Variants in MED13L observed in about 807,000 individuals in gnomAD.
MED13L encodes the protein mediator of RNA polymerase II transcription subunit 13-like.
MED13L carries 7 observed loss-of-function variants against 220.9 expected under a neutral mutation model. The observed-to-expected ratio is 0.03, with a 90% confidence interval of 0.02 to 0.06. The LOEUF is 0.06. Ranked by LOEUF, MED13L falls within the 10% of genes least tolerant of loss-of-function variation. The probability of loss-of-function intolerance (pLI) is 1.00; values close to 1 mark genes in which losing one functional copy is unlikely to be tolerated. For missense variants in MED13L, 1,965 were observed against 2,760.5 expected, an observed-to-expected ratio of 0.71 and a Z score of 6.46; for synonymous variants, 1,011 against 1,015.2, an observed-to-expected ratio of 1.00 and a Z score of 0.08.
At chr12:116,040,417 C>T (rs77274011) in intron 4 of MED13L, among the ~76,000 whole-genome samples, 2,488 of 152,238 alleles carry the variant, frequency 0.016, 40 homozygotes, top group Middle Eastern at 0.031. Context: ...AATATCACAA[C>T]CTGAATAGTA....
intron 2 of MED13L, among the ~76,000 whole-genome samples, chr12:116,195,700 C>T (rs549325264): frequency 6.2e-4 from 94 of 152,158 alleles, no homozygotes; most frequent in African/African-American, 2.2e-3. Context: ...ATCCACCCAC[C>T]TCAGCCTCCC....
At chr12:116,119,580 C>T (rs1238943450) in intron 2 of MED13L, among the ~76,000 whole-genome samples, 3 of 151,810 alleles carry the variant, frequency 2.0e-5, no homozygotes, top group East Asian at 1.9e-4. Context: ...CAGTGCCTTA[C>T]ACCTGTAATC....
chr12:116,039,874 G>A (rs912652223), intron 4 of MED13L, among the ~76,000 whole-genome samples: 4 of 152,070 alleles, frequency 2.6e-5, no homozygotes, highest in East Asian at 1.9e-4. Context: ...GAAAGAGGTC[G>A]GGGCGAGATA....
At chr12:116,160,389 T>C (rs1274722041) in intron 2 of MED13L, among the ~76,000 whole-genome samples, 2 of 152,106 alleles carry the variant, frequency 1.3e-5, no homozygotes, top group African/African-American at 4.8e-5. Context: ...TGAGTCACGA[T>C]GCATCATGAT....
Position 116,000,471 on chromosome 12 carries a change from T to C in MED13L, c.2569+2532A>G, listed in dbSNP as rs1373382253. On this transcript the variant is annotated intron_variant, in intron 14 of 30. Coordinates refer to ENST00000281928, the MANE Select transcript of MED13L (RefSeq NM_015335.5). Reference sequence around the variant, plus strand: ...TCCTGCCCAGCACTTTATGTATTCATGCACAGGATGGAAGACCTCCAACAA... The same window carrying C: ...TCCTGCCCAGCACTTTATGTATTCACGCACAGGATGGAAGACCTCCAACAA... Among the ~76,000 whole-genome samples, 4 of 152,320 alleles carry C rather than the reference T, an allele frequency of 2.6e-5. No individual in the cohort carries two copies. The South Asian group carries it at 6.2e-4, about 24-fold the overall frequency.
intron 2 of MED13L, among the ~76,000 whole-genome samples, chr12:116,192,086 G>A (rs1196804338): frequency 4.6e-5 from 7 of 152,110 alleles, no homozygotes; most frequent in African/African-American, 1.7e-4. Context: ...AAGATTTAAT[G>A]CCCACTAAAA....
At chr12:116,083,040 G>C (rs1326366039) in intron 4 of MED13L, among the ~76,000 whole-genome samples, 1 of 152,152 alleles carries the variant, frequency 6.6e-6, no homozygotes, top group African/African-American at 2.4e-5. Context: ...TGAGAACCAA[G>C]AAAAATTTAT....
rs1878844223 is a variant in MED13L at position 116,003,089 on chromosome 12, G to A, written c.2483C>T (p.Ala828Val). ...DDDELGAVSPALRSSKMPAVG... is the reference protein window; with the variant it reads ...DDDELGAVSPVLRSSKMPAVG... ...TGCAGGCATTTTTGATGAGCGCAGA[G>A]CAGGTGATACAGCCTAAGAACAGAC... Residue 828 changes from alanine to valine, a missense_variant, in exon 14 of 31, where the codon GCT becomes GTT. This residue lies in a region of MED13L where 818 missense variants were observed against 1,041.2 expected (regional missense o/e 0.79). Transcript: ENST00000281928. 6.2e-7 allele frequency: 1 copy of A among 1,614,036 alleles called. No homozygotes were observed. Among genetic ancestry groups the A allele is most frequent in the Non-Finnish European group, 8.5e-7 (1 of 1,179,886 alleles).
chr12:116,096,493 A>T (rs1872655472), intron 4 of MED13L, among the ~76,000 whole-genome samples, 176 bp downstream of exon 4: 1 of 151,832 alleles, frequency 6.6e-6, no homozygotes, highest in African/African-American at 2.4e-5. Flanking sequence ...CTTTCTAATC[A>T]ATCTTTAATA....
intron 29 of MED13L, among the ~76,000 whole-genome samples, chr12:115,965,171 G>T (rs7301395): frequency 6.6e-6 from 1 of 152,200 alleles, no homozygotes; most frequent in Non-Finnish European, 1.5e-5. Flanking sequence ...GTGTGTGAAT[G>T]TGCATATCTT....
intron 2 of MED13L, among the ~76,000 whole-genome samples, chr12:116,143,888 A>G (rs1189000379): frequency 6.6e-6 from 1 of 152,212 alleles, no homozygotes; most frequent in Non-Finnish European, 1.5e-5. Context: ...GAAGAAAATC[A>G]CAGCAACTTG....
intron 4 of MED13L, among the ~76,000 whole-genome samples, chr12:116,066,826 G>A (rs903579615): frequency 1.3e-5 from 2 of 151,044 alleles, no homozygotes; most frequent in South Asian, 2.1e-4. Context: ...GGGCGAAAGC[G>A]GTCACATGCA....
At position 115,983,299 on chromosome 12, in the gene MED13L, G is replaced by A; in HGVS notation, c.4773C>T (p.Ala1591=). 6.2e-7 allele frequency: 1 copy of A among 1,614,232 alleles called. No homozygotes were observed. The highest frequency in any genetic ancestry group is 1.1e-5 in the South Asian group (1 of 91,090). ...TTATCTGGCTAATACCAGGAGCAGA[G>A]GCAGACGATGAGACCGGTGGCACAG... The part of the protein sequence containing the change: ...GSSVPPVSSS[A]SAPGISQIST... Residue 1591 remains alanine (A), a synonymous_variant, in exon 21 of 31, where the codon GCC becomes GCT. Transcript: ENST00000281928.
intron 4 of MED13L, among the ~76,000 whole-genome samples, chr12:116,049,190 C>T (rs1566030308): frequency 6.6e-6 from 1 of 152,090 alleles, no homozygotes; most frequent in Admixed American, 6.6e-5. Context: ...CTGAAATCAC[C>T]TTTATTTTTA....
intron 2 of MED13L, among the ~76,000 whole-genome samples, chr12:116,178,031 CTTGTTTGTTTGT>C (rs367971646): frequency 1.3e-4 from 20 of 151,744 alleles, no homozygotes; most frequent in Non-Finnish European, 2.6e-4. Context: ...TTTTTGTTTG[CTTGTTTGTTTGT>C]TTGTTTGTTT....
Position 116,211,917 on chromosome 12 carries a change from A to G in MED13L, c.310+25551T>C, listed in dbSNP as rs531848359. ...TGACATATTACTAAGGCTGTAAAGCAACATGAGAGTAGGCATATAGTACTG... is the reference window on the plus strand; with the variant it reads ...TGACATATTACTAAGGCTGTAAAGCGACATGAGAGTAGGCATATAGTACTG... On this transcript the variant is annotated intron_variant, in intron 2 of 30. Coordinates refer to ENST00000281928, the MANE Select transcript of MED13L (RefSeq NM_015335.5). 9.8e-5 allele frequency among the ~76,000 whole-genome samples: 15 copies of G among 152,350 alleles called. No individual in the cohort carries two copies. In the East Asian group the frequency reaches 2.9e-3, roughly 29 times the overall value.
At chr12:116,091,937 T>C (rs1388853547) in intron 4 of MED13L, among the ~76,000 whole-genome samples, 1 of 152,176 alleles carries the variant, frequency 6.6e-6, no homozygotes, top group Non-Finnish European at 1.5e-5. Context: ...ATGTTGATGA[T>C]CCCCAAGACT....
intron 2 of MED13L, among the ~76,000 whole-genome samples, chr12:116,146,230 C>A (rs2138068741): frequency 6.6e-6 from 1 of 152,256 alleles, no homozygotes; most frequent in East Asian, 1.9e-4. Flanking sequence ...TCAAGCGATT[C>A]TCCTGCCTCA....
At chr12:116,000,939 A>G (rs1243038563) in intron 14 of MED13L, among the ~76,000 whole-genome samples, 3 of 151,990 alleles carry the variant, frequency 2.0e-5, no homozygotes, top group African/African-American at 4.8e-5. Context: ...TATTCCCAAA[A>G]CTTCATACCA....
Sources: gnomAD v4.1 joint callset for allele counts (sites outside exome capture counted in the v4.1 genomes callset) on GRCh38, gnomAD v4.1.1 for gene constraint, gnomAD v4.1.1 regional missense constraint, MANE v1.5 for transcripts, NCBI Gene and HGNC (gene_info 2026-07-23, HGNC 2026-07-21) for gene names.